The following FOXK2 variants were observed in gnomAD, a reference collection of about 807,000 sequenced individuals.
FOXK2 encodes forkhead box K2.
FOXK2 carries 24 observed loss-of-function variants against 53.3 expected under a neutral mutation model. The ratio of observed to expected loss-of-function variants is 0.45; its 90% CI spans 0.33 to 0.63. The LOEUF is 0.63. Among genes scored for constraint, FOXK2 ranks in the 30% least tolerant of loss-of-function variants. The pLI, the probability that FOXK2 is intolerant of heterozygous loss-of-function variation, is 0.03. For synonymous variants in FOXK2, 505 were observed against 407.1 expected, an observed-to-expected ratio of 1.24 and a Z score of -2.89; for missense variants, 952 against 910.5, an observed-to-expected ratio of 1.05 and a Z score of -0.59.
At chr17:82,531,295 G>A (rs530892620) in intron 1 of FOXK2, among the ~76,000 whole-genome samples, 1 of 152,314 alleles carries the variant, frequency 6.6e-6, no homozygotes, top group East Asian at 1.9e-4. Context: ...GGTGACTACT[G>A]TACCATAGGA....
intron 1 of FOXK2, among the ~76,000 whole-genome samples, chr17:82,538,070 A>G (rs1408105461): frequency 6.6e-6 from 1 of 151,874 alleles, no homozygotes; most frequent in Non-Finnish European, 1.5e-5. Flanking sequence ...CAAAAATACA[A>G]AAATTAGCTG....
At chr17:82,531,805 C>T (rs2044474304) in intron 1 of FOXK2, among the ~76,000 whole-genome samples, 1 of 152,188 alleles carries the variant, frequency 6.6e-6, no homozygotes, top group African/African-American at 2.4e-5. Context: ...CGTGACTGTA[C>T]ACCGCTGTCA....
At chr17:82,539,172 A>G (rs1351059544) in intron 1 of FOXK2, among the ~76,000 whole-genome samples, 1 of 150,846 alleles carries the variant, frequency 6.6e-6, no homozygotes, top group Non-Finnish European at 1.5e-5. Context: ...CCGTAATCTC[A>G]GCACTGTAAG....
In FOXK2 at chr17:82,520,101, C is replaced by T. The variant is rs1296458899; in HGVS notation, c.213C>T (p.His71=). Residue 71 remains histidine (H), a synonymous_variant, in exon 1 of 9, where the codon CAC becomes CAT. Transcript: ENST00000335255. ...GCTCGGTGGACGTGAGCATGGGCCA[C>T]TCGAGCTTCATCTCCCGGCGCCACC... ...SQGSVDVSMG[H]SSFISRRHLE... 1.3e-6 allele frequency: 2 copies of T among 1,543,808 alleles called. No individual in the cohort carries two copies. The highest frequency in any genetic ancestry group is 1.2e-5 in the South Asian group (1 of 84,914).
chr17:82,545,827 T>A (rs373671488), intron 1 of FOXK2, among the ~76,000 whole-genome samples: 157 of 151,946 alleles, frequency 1.0e-3, no homozygotes, highest in Middle Eastern at 3.4e-3. Flanking sequence ...CATGATCGAC[T>A]TGCCTTGGCC....
intron 1 of FOXK2, among the ~76,000 whole-genome samples, chr17:82,539,298 C>G (rs12942893): frequency 3.2e-5 from 4 of 125,736 alleles, no homozygotes; most frequent in Non-Finnish European, 5.1e-5. Context: ...GGCTCAGGCC[C>G]GTAATCTCAG....
intron 1 of FOXK2, among the ~76,000 whole-genome samples, chr17:82,531,109 T>G: frequency 6.6e-6 from 1 of 152,182 alleles, no homozygotes; most frequent in Non-Finnish European, 1.5e-5. Context: ...CCTGTACACT[T>G]GAGTGAACTG....
chr17:82,529,499 C>G (rs1205231725), intron 1 of FOXK2, among the ~76,000 whole-genome samples: 1 of 151,826 alleles, frequency 6.6e-6, no homozygotes, highest in Middle Eastern at 3.2e-3. Flanking sequence ...AAGTGATTCT[C>G]CTGCCTTAGC....
chr17:82,541,312 G>A (rs143953002), intron 1 of FOXK2, among the ~76,000 whole-genome samples: 42 of 150,612 alleles, frequency 2.8e-4, no homozygotes, highest in African/African-American at 9.1e-4. Flanking sequence ...GTGCTGTATC[G>A]CCCAGGCTGG....
chr17:82,565,986 G>T (rs1345264150), intron 2 of FOXK2, among the ~76,000 whole-genome samples: 4 of 151,200 alleles, frequency 2.6e-5, no homozygotes, highest in Non-Finnish European at 5.9e-5. Context: ...TATGCTCAGT[G>T]AAATAAGCCA....
intron 1 of FOXK2, among the ~76,000 whole-genome samples, chr17:82,530,088 G>A (rs1243669270): frequency 1.3e-5 from 2 of 152,192 alleles, no homozygotes; most frequent in African/African-American, 4.8e-5. Context: ...GCACAGCCAC[G>A]CTGGGAAAGA....
At chr17:82,589,347 T>G (rs188779616) in intron 8 of FOXK2, among the ~76,000 whole-genome samples, 2 of 152,240 alleles carry the variant, frequency 1.3e-5, no homozygotes, top group African/African-American at 4.8e-5. Context: ...AGTCACATAC[T>G]TTAGGCTTAA....
At chr17:82,564,320 C>G (rs963720202) in intron 2 of FOXK2, among the ~76,000 whole-genome samples, 3 of 151,970 alleles carry the variant, frequency 2.0e-5, no homozygotes, top group African/African-American at 7.3e-5. Flanking sequence ...AACTCCTGAC[C>G]TCGTCATCCA....
chr17:82,536,291 T>G (rs1333206200), intron 1 of FOXK2, among the ~76,000 whole-genome samples: 1 of 152,244 alleles, frequency 6.6e-6, no homozygotes, highest in Admixed American at 6.5e-5. Flanking sequence ...TTTATTTCTT[T>G]GACTGAGTCA....
intron 1 of FOXK2, among the ~76,000 whole-genome samples, chr17:82,556,171 C>G (rs112110511): frequency 6.6e-6 from 1 of 152,074 alleles, no homozygotes; most frequent in African/African-American, 2.4e-5. Flanking sequence ...GTTGGCCGGG[C>G]ACGGTGGCTC....
intron 3 of FOXK2, among the ~76,000 whole-genome samples, chr17:82,569,031 TAAA>T (rs1284063672): frequency 6.6e-6 from 1 of 151,968 alleles, no homozygotes; most frequent in East Asian, 1.9e-4. Context: ...AAATAAAAAA[TAAA>T]AAGAACGCAA....
chr17:82,598,154 T>C (rs2045337925), intron 8 of FOXK2, among the ~76,000 whole-genome samples: 1 of 152,286 alleles, frequency 6.6e-6, no homozygotes, highest in Admixed American at 6.5e-5. Flanking sequence ...CTCGCAGTGC[T>C]GCAGAACACT....
At position 82,563,363 on chromosome 17, in the gene FOXK2, C is replaced by G. The variant is rs2044817643; in HGVS notation, c.429C>G (p.Phe143Leu). ...GGCTTTTCTTTTCCAGGTGCACATT[C>G]AGGTTCCCGAGCACAAACATCAAGA... Reference protein sequence around the residue: ...PPLQLPRVCTFRFPSTNIKIT... With the variant: ...PPLQLPRVCTLRFPSTNIKIT... The change falls in exon 2 of 9, where the codon TTC becomes TTG. Residue 143 changes from phenylalanine to leucine, a missense_variant. By Grantham distance (22) the Phe-to-Leu change is conservative (BLOSUM62 0). Around this residue, in one of 5 missense-constraint regions of FOXK2, gnomAD observed 76 missense variants for 128.2 expected, o/e 0.59. Transcript: ENST00000335255. 8 of 1,612,934 alleles carry G rather than the reference C, an allele frequency of 5.0e-6. No homozygotes were observed. Among genetic ancestry groups the G allele is most frequent in the Non-Finnish European group, 6.8e-6 (8 of 1,179,352 alleles).
chr17:82,520,412 C>T (rs1320079645), intron 1 of FOXK2, 105 bp downstream of exon 1: 2 of 997,092 alleles, frequency 2.0e-6, no homozygotes, highest in Non-Finnish European at 2.6e-6. Context: ...AGCGGGGGCC[C>T]GACTCTCCCA....
Sources: gnomAD v4.1 joint callset for allele counts (sites outside exome capture counted in the v4.1 genomes callset) on GRCh38, gnomAD v4.1.1 for gene constraint, gnomAD v4.1.1 regional missense constraint, MANE v1.5 for transcripts, NCBI Gene and HGNC (gene_info 2026-07-23, HGNC 2026-07-21) for gene names.